Variants in CIP2A observed in about 807,000 individuals in gnomAD.
CIP2A encodes the protein cellular inhibitor of PP2A, also known as protein CIP2A.
In CIP2A, 103 loss-of-function variants were observed where a neutral mutation model predicts 110.9. That is an observed-to-expected ratio of 0.93 (90% CI 0.79 to 1.09). The LOEUF (loss-of-function observed/expected upper bound fraction) is 1.09, where lower values mean the gene tolerates loss of function less well. Among genes scored for constraint, CIP2A ranks in the 50% least tolerant of loss-of-function variants. The pLI is 0.00. For missense variants in CIP2A, 1,088 were observed against 1,038.4 expected, an observed-to-expected ratio of 1.05 and a Z score of -0.66; for synonymous variants, 381 against 361.6, an observed-to-expected ratio of 1.05 and a Z score of -0.61.
intron 2 of CIP2A, among the ~76,000 whole-genome samples, chr3:108,584,636 C>T (rs1211794028): frequency 1.3e-5 from 2 of 152,196 alleles, no homozygotes; most frequent in African/African-American, 2.4e-5. Context: ...TAAAACCATT[C>T]TGTCACTGAA....
At chr3:108,575,528 A>ATG (rs1938569278) in intron 8 of CIP2A, among the ~76,000 whole-genome samples, 1 of 95,344 alleles carries the variant, frequency 1.0e-5, no homozygotes, top group Non-Finnish European at 2.6e-5. Flanking sequence ...ACATATATAC[A>ATG]CGTATATATA....
At chr3:108,553,394 C>A (rs1937646604) in intron 19 of CIP2A, among the ~76,000 whole-genome samples, 1 of 151,904 alleles carries the variant, frequency 6.6e-6, no homozygotes, top group Admixed American at 6.6e-5. Flanking sequence ...TCCCAAAGTG[C>A]TGGGATTACA....
intron 7 of CIP2A, among the ~76,000 whole-genome samples, chr3:108,576,857 A>T (rs1938671521): frequency 6.6e-6 from 1 of 152,170 alleles, no homozygotes; most frequent in African/African-American, 2.4e-5. Context: ...TATGTGACTG[A>T]TGTATCCTAG....
intron 16 of CIP2A, among the ~76,000 whole-genome samples, chr3:108,558,665 A>G (rs980953680): frequency 2.0e-5 from 3 of 152,154 alleles, no homozygotes; most frequent in Non-Finnish European, 4.4e-5. Flanking sequence ...ACGTGTGGGA[A>G]GGAGACCAGA....
In CIP2A at chr3:108,557,389, C is replaced by T; in HGVS notation, c.2039G>A (p.Arg680Lys). 6.2e-7 allele frequency: 1 copy of T among 1,602,928 alleles called. No individual in the cohort carries two copies. Among genetic ancestry groups the T allele is most frequent in the South Asian group, 1.1e-5 (1 of 89,600 alleles). Residue 680 changes from arginine (R) to lysine (K), a missense_variant, in exon 17 of 21, where the codon AGA (arginine) becomes AAA (lysine). Physicochemically the swap from Arg to Lys is conservative, Grantham distance 26 (BLOSUM62 2). Coordinates refer to ENST00000295746, the MANE Select transcript of CIP2A (RefSeq NM_020890.3). ...TEARTLASML[R>K]EVERKNEELS... ...CTCTTCATTTTTTCTCTCAACTTCT[C>T]TCAACATACTAGCAAGTGTCCGTGC...
rs577228130 is a variant in CIP2A, at chr3:108,583,252, T to C, written c.251-169A>G. Among the ~76,000 whole-genome samples, 5 of 152,342 alleles carry C rather than the reference T, an allele frequency of 3.3e-5. No homozygotes were observed. In the South Asian group the frequency reaches 6.2e-4, roughly 19 times the overall value. On this transcript the variant is annotated intron_variant, in intron 2 of 20. Transcript: ENST00000295746. ...AATTCAGAAATTCAAATGATTTCTC[T>C]ATGTAAAATAAACTAGTATCAAAGA...
rs374308143 is a variant in CIP2A, at chr3:108,575,351, CAT to C, written c.894+918_894+919del. ...ACACGTGTATATATACATATACACA[CAT>C]GTGTATATATACATACACATATACA... is the stretch of plus-strand genomic sequence containing the variant. On this transcript the variant is annotated intron_variant, in intron 8 of 20. Transcript: ENST00000295746. 4.9e-3 allele frequency among the ~76,000 whole-genome samples: 726 copies of C among 148,970 alleles called. 4 individuals are homozygous for C. Among genetic ancestry groups the C allele is most frequent in the African/African-American group, 0.017 (662 of 39,554 alleles).
chr3:108,552,384 A>C lies in CIP2A; in HGVS notation c.2408-11T>G. 1 of 1,495,590 alleles carries C rather than the reference A, an allele frequency of 6.7e-7. No individual in the cohort carries two copies. Among genetic ancestry groups the C allele is most frequent in the Non-Finnish European group, 9.0e-7 (1 of 1,109,532 alleles). The allele number at this position is 1,495,590 out of a possible 1,614,324, so 92.6% of individuals were successfully genotyped here. A position where few individuals can be genotyped will look rare whatever the true frequency, so the allele number is the denominator to read the frequency against. ...TTTTTTGATGCAAATCTTAAAAGAA[A>C]AAAAAGTCAAGTATTATACTCAGAG... On this transcript the variant is annotated splice_polypyrimidine_tract_variant and intron_variant, in intron 19 of 20. Transcript: ENST00000295746.
intron 1 of CIP2A, among the ~76,000 whole-genome samples, chr3:108,587,537 T>G (rs1170951985): frequency 6.6e-6 from 1 of 152,200 alleles, no homozygotes; most frequent in Non-Finnish European, 1.5e-5. Flanking sequence ...TACCTATATG[T>G]TAGCTACCAA....
Position 108,579,328 on chromosome 3 carries a change from T to C in CIP2A, c.771A>G (p.Leu257=), listed in dbSNP as rs763833353. 1 of 1,608,962 alleles carries C rather than the reference T, an allele frequency of 6.2e-7. No homozygotes were observed. The highest frequency in any genetic ancestry group is 2.2e-5 in the East Asian group (1 of 44,714). Reference sequence around the variant, plus strand: ...TAGGATTCTTAAGGAGATCCATCAGTAGGTCAACTGAATACTTTCTAGTTA... The same window carrying C: ...TAGGATTCTTAAGGAGATCCATCAGCAGGTCAACTGAATACTTTCTAGTTA... ...GTLTRKYSVD[L]LMDLLKNPKI... The change falls in exon 7 of 21, where the codon CTA becomes CTG. Residue 257 remains leucine, a synonymous_variant. Coordinates refer to ENST00000295746, the MANE Select transcript of CIP2A (RefSeq NM_020890.3).
At chr3:108,570,651 T>C (rs1938363788) in intron 8 of CIP2A, among the ~76,000 whole-genome samples, 1 of 152,250 alleles carries the variant, frequency 6.6e-6, no homozygotes, top group South Asian at 2.1e-4. Context: ...ACGGTACACC[T>C]GTATAGGACA....
Position 108,566,550 on chromosome 3 carries a change from T to A in CIP2A, c.1362A>T (p.Thr454=), listed in dbSNP as rs753695683. 1 of 1,608,028 alleles carries A rather than the reference T, an allele frequency of 6.2e-7. No homozygotes were observed. The highest frequency in any genetic ancestry group is 2.2e-5 in the East Asian group (1 of 44,590). Residue 454 remains threonine (T), a synonymous_variant, in exon 11 of 21, where the codon ACA becomes ACT. Transcript: ENST00000295746. ...KCTTLIEQQF[T]YGKIDLGFGT... ...CAAATCCCAGGTCAATCTTGCCATA[T>A]GTAAATTGTTGTTCTATAAGAGTGG...
At chr3:108,585,951 G>A (rs1163684524) in intron 1 of CIP2A, among the ~76,000 whole-genome samples, 4 of 151,826 alleles carry the variant, frequency 2.6e-5, no homozygotes, top group Non-Finnish European at 5.9e-5. Context: ...AGGAGGTAAA[G>A]CTGGAACTAA....
At chr3:108,563,494 G>T (rs1439487554) in intron 12 of CIP2A, among the ~76,000 whole-genome samples, 1 of 151,878 alleles carries the variant, frequency 6.6e-6, no homozygotes, top group African/African-American at 2.4e-5. Flanking sequence ...TTTCAAATGT[G>T]CCTATAAAAA....
At chr3:108,567,952 C>A (rs1342098535) in intron 10 of CIP2A, among the ~76,000 whole-genome samples, 1 of 151,664 alleles carries the variant, frequency 6.6e-6, no homozygotes, top group African/African-American at 2.4e-5. Context: ...AAGTTTCACA[C>A]AGAAAAATAA....
rs751474573 is a variant in CIP2A, at chr3:108,579,352, T to TA, written c.746dup (p.Thr250AsnfsTer2). 6 of 1,605,430 alleles carry TA rather than the reference T, an allele frequency of 3.7e-6. No homozygotes were observed. The South Asian group carries it at 6.6e-5, about 18-fold the overall frequency. ...GTAGGTCAACTGAATACTTTCTAGT[T>TA]AGAGTGCCATCACCGTTTATGAGAA... is the stretch of plus-strand genomic sequence containing the variant. On this transcript the variant is annotated frameshift_variant, in exon 7 of 21. Coordinates refer to ENST00000295746, the MANE Select transcript of CIP2A (RefSeq NM_020890.3). LOFTEE classifies it high-confidence loss of function.
rs368863598 is a variant in CIP2A at position 108,582,958 on chromosome 3, A to G, written c.357+19T>C. On this transcript the variant is annotated intron_variant, in intron 3 of 20. Transcript: ENST00000295746. ...TCTGACAGTAAGGAAAGGGGAATACACTGTGTGGGTCTGTATACCTGCAAA... is the reference window on the plus strand; with the variant it reads ...TCTGACAGTAAGGAAAGGGGAATACGCTGTGTGGGTCTGTATACCTGCAAA... 19 of 1,495,564 alleles carry G rather than the reference A, an allele frequency of 1.3e-5. No homozygotes were observed. In the Admixed American group the frequency reaches 3.0e-4, roughly 24 times the overall value. 92.6% of individuals were successfully genotyped at this position (1,495,564 alleles called of 1,614,324 possible). A position where few individuals can be genotyped will look rare whatever the true frequency, so the allele number is the denominator to read the frequency against.
At chr3:108,570,677 A>C (rs146438395) in intron 8 of CIP2A, among the ~76,000 whole-genome samples, 3 of 152,264 alleles carry the variant, frequency 2.0e-5, no homozygotes, top group African/African-American at 7.2e-5. Flanking sequence ...CATAAACAAA[A>C]CATGCAGGAC....
At chr3:108,581,366 G>C in intron 5 of CIP2A, 49 bp downstream of exon 5, 1 of 1,280,030 alleles carries the variant, frequency 7.8e-7, no homozygotes, top group African/African-American at 1.5e-5. Flanking sequence ...TCTTTAAGCA[G>C]AGAATCTACC....
Sources: gnomAD v4.1 joint callset for allele counts (sites outside exome capture counted in the v4.1 genomes callset) on GRCh38, gnomAD v4.1.1 for gene constraint, MANE v1.5 for transcripts, NCBI Gene and HGNC (gene_info 2026-07-23, HGNC 2026-07-21) for gene names.